Variants in SCN9A observed in about 807,000 individuals in gnomAD.
SCN9A encodes sodium channel protein type 9 subunit alpha.
Under a neutral mutation model 187.0 loss-of-function variants are expected in SCN9A, and 131 were observed. The ratio of observed to expected loss-of-function variants is 0.70; its 90% CI spans 0.61 to 0.81. The LOEUF (loss-of-function observed/expected upper bound fraction) is 0.81. SCN9A is among the 30% of genes least tolerant of loss of function. The pLI is 0.00. For missense variants in SCN9A, 2,252 were observed against 2,396.6 expected (o/e 0.94, Z 1.26); for synonymous variants, 809 against 808.6 (o/e 1.00, Z -0.01).
chr2:166,286,688 G>T, intron 10 of SCN9A, 65 bp from the exon 11 acceptor site: 5 of 1,287,276 alleles, frequency 3.9e-6, no homozygotes, highest in Non-Finnish European at 5.1e-6. Context: ...CCCTAGGACA[G>T]GACATCTTTC....
Position 166,198,627 on chromosome 2 carries a change from TA to T in SCN9A, c.*44del. On this transcript the variant is annotated 3_prime_UTR_variant, in exon 27 of 27. Coordinates refer to ENST00000642356, the MANE Select transcript of SCN9A (RefSeq NM_001365536.1). ...CTCAAAAGAGTTTTATTAACACAAA[TA>T]AATCACTTTCACAGGCTGTAAACAA... 1 of 1,388,958 alleles carries T rather than the reference TA, an allele frequency of 7.2e-7. No individual in the cohort carries two copies. 86.0% of individuals were successfully genotyped at this position (1,388,958 alleles called of 1,614,324 possible).
chr2:166,292,977 C>T (rs371912312), intron 9 of SCN9A, among the ~76,000 whole-genome samples: 1 of 151,774 alleles, frequency 6.6e-6, no homozygotes, highest in Admixed American at 6.6e-5. Context: ...AACTAGGACC[C>T]CATGGGATGA....
intron 1 of SCN9A, among the ~76,000 whole-genome samples, chr2:166,344,784 G>A (rs1369421127): frequency 6.6e-6 from 1 of 152,104 alleles, no homozygotes; most frequent in East Asian, 1.9e-4. Flanking sequence ...ACTAAGAGGT[G>A]GAAATTTCCA....
In SCN9A at chr2:166,284,582, G is replaced by A. The variant is rs199827752; in HGVS notation, c.1845C>T (p.Asn615=). The A allele has an allele frequency of 1.1e-5, 17 of 1,613,942 alleles. No homozygotes were observed. Among genetic ancestry groups the A allele is most frequent in the Admixed American group, 1.7e-5 (1 of 60,002 alleles). Residue 615 remains asparagine (N), a synonymous_variant, in exon 12 of 27, where the codon AAC becomes AAT. Coordinates refer to ENST00000642356, the MANE Select transcript of SCN9A (RefSeq NM_001365536.1). ...ASRSPPMLPV[N]GKMHSAVDCN... is the part of the protein sequence containing the mutation. ...AGTCCACAGCACTGTGCATTTTCCC[G>A]TTCACCGGCAGCATTGGTGGGGACC...
chr2:166,338,943 A>G (rs951510), intron 1 of SCN9A, among the ~76,000 whole-genome samples: 49,476 of 123,598 alleles, frequency 0.4, 11,183 homozygotes, highest in African/African-American at 0.71. Flanking sequence ...GCCAGTATAG[A>G]AAAAAAAGAT....
intron 17 of SCN9A, among the ~76,000 whole-genome samples, chr2:166,265,211 C>T (rs1020381076): frequency 3.3e-5 from 5 of 151,846 alleles, no homozygotes; most frequent in Non-Finnish European, 7.4e-5. Flanking sequence ...TTCCCCACAC[C>T]TCGCTCCTCC....
At chr2:166,360,512 G>C (rs1043739131) in intron 1 of SCN9A, among the ~76,000 whole-genome samples, 1 of 152,070 alleles carries the variant, frequency 6.6e-6, no homozygotes, top group Non-Finnish European at 1.5e-5. Flanking sequence ...AATAATTAGA[G>C]AGAAAATGTA....
chr2:166,291,425 G>A (rs1698065268), intron 9 of SCN9A, among the ~76,000 whole-genome samples: 1 of 152,084 alleles, frequency 6.6e-6, no homozygotes, highest in Non-Finnish European at 1.5e-5. Flanking sequence ...AAACAAGAGA[G>A]GACACAAACA....
chr2:166,286,587 T>A lies in SCN9A; in HGVS notation c.1351A>T (p.Arg451Trp). The A allele has an allele frequency of 6.3e-7, 1 of 1,588,384 alleles. No individual in the cohort carries two copies. The highest frequency in any genetic ancestry group is 8.5e-7 in the Non-Finnish European group (1 of 1,170,846). Residue 451 changes from arginine to tryptophan, a missense_variant, in exon 11 of 27, where the codon AGG becomes TGG. By Grantham distance (101) the Arg-to-Trp change is moderately radical. Transcript: ENST00000642356. ...GAGAGGCCCATAATTCTGCTTCTCC[T>A]AATACTTGTATATTCAGCCGCTGCC... ...AAAAAEYTSIRRSRIMGLSES... is the reference protein window; with the variant it reads ...AAAAAEYTSIWRSRIMGLSES...
intron 18 of SCN9A, among the ~76,000 whole-genome samples, chr2:166,250,516 C>T (rs907450203): frequency 4.6e-5 from 7 of 152,004 alleles, no homozygotes; most frequent in South Asian, 2.1e-4. Context: ...GCAGATAAGT[C>T]GGCAAATTAG....
In SCN9A at chr2:166,346,499, G is replaced by A. The variant is rs567978316; in HGVS notation, c.-51+29198C>T. On this transcript the variant is annotated intron_variant, in intron 1 of 26. Transcript: ENST00000642356. ...TCTTAAAGTACATAATACTTGAGCC[G>A]TCAAAGACACACAGATGGGCCTCTA... is the stretch of plus-strand genomic sequence containing the variant. 5.5e-4 allele frequency among the ~76,000 whole-genome samples: 83 copies of A among 152,170 alleles called. 1 individual carries two copies. Among genetic ancestry groups the A allele is most frequent in the South Asian group, 1.5e-3 (7 of 4,822 alleles).
chr2:166,336,433 T>C (rs1699629631), intron 1 of SCN9A, among the ~76,000 whole-genome samples: 1 of 152,114 alleles, frequency 6.6e-6, no homozygotes, highest in Non-Finnish European at 1.5e-5. Context: ...CTCTCCTCCC[T>C]CATGGGAACA....
At chr2:166,290,803 C>T (rs1698028980) in intron 9 of SCN9A, among the ~76,000 whole-genome samples, 1 of 152,108 alleles carries the variant, frequency 6.6e-6, no homozygotes, top group African/African-American at 2.4e-5. Flanking sequence ...TGTAATCCAT[C>T]ACATAAACAG....
At chr2:166,300,265 C>T (rs1169116861) in intron 7 of SCN9A, among the ~76,000 whole-genome samples, 3 of 150,814 alleles carry the variant, frequency 2.0e-5, no homozygotes, top group African/African-American at 5.0e-5. Flanking sequence ...CTTACCAAAC[C>T]ACGCTGCTGT....
intron 26 of SCN9A, among the ~76,000 whole-genome samples, chr2:166,201,758 C>T (rs141632761): frequency 5.3e-5 from 8 of 151,026 alleles, no homozygotes; most frequent in Admixed American, 3.3e-4. Flanking sequence ...CTCCAGAAAG[C>T]CTGTACTAAT....
At chr2:166,234,997 A>C (rs1180286169) in intron 20 of SCN9A, among the ~76,000 whole-genome samples, 3 of 152,126 alleles carry the variant, frequency 2.0e-5, no homozygotes, top group Admixed American at 6.6e-5. Context: ...ACCCCTCGCC[A>C]TGTGATGCCA....
chr2:166,258,432 A>C (rs1228221476), intron 17 of SCN9A, among the ~76,000 whole-genome samples: 1 of 151,532 alleles, frequency 6.6e-6, no homozygotes, highest in Non-Finnish European at 1.5e-5. Flanking sequence ...CTGGAATAAA[A>C]TTAAACATTT....
chr2:166,320,518 C>T (rs1028703658), intron 1 of SCN9A, among the ~76,000 whole-genome samples: 3 of 152,114 alleles, frequency 2.0e-5, no homozygotes, highest in Admixed American at 6.5e-5. Flanking sequence ...ACACTGCAAA[C>T]ACTCAAAGTT....
intron 24 of SCN9A, among the ~76,000 whole-genome samples, chr2:166,208,723 G>A (rs1693937015): frequency 6.6e-6 from 1 of 152,174 alleles, no homozygotes; most frequent in Non-Finnish European, 1.5e-5. Context: ...ATTAGAAAGA[G>A]GCATGGGTAG....
Sources: allele counts gnomAD v4.1 joint callset (sites outside exome capture counted in the v4.1 genomes callset), GRCh38; gene constraint gnomAD v4.1.1; transcripts MANE v1.5; gene names NCBI Gene and HGNC (gene_info 2026-07-23, HGNC 2026-07-21).